The following PPP1R12B variants were observed in gnomAD, a reference collection of about 807,000 sequenced individuals.
The protein encoded by PPP1R12B is protein phosphatase 1 regulatory subunit 12B.
PPP1R12B carries 76 observed loss-of-function variants against 126.1 expected under a neutral mutation model. The observed-to-expected ratio is 0.60, with a 90% confidence interval of 0.50 to 0.73. PPP1R12B has a LOEUF of 0.73. Among genes scored for constraint, PPP1R12B ranks in the 30% least tolerant of loss-of-function variants. The probability of loss-of-function intolerance (pLI) is 0.00; values close to 1 mark genes in which losing one functional copy is unlikely to be tolerated. For missense variants in PPP1R12B, 1,052 were observed against 1,205.1 expected, an observed-to-expected ratio of 0.87 and a Z score of 1.88; for synonymous variants, 356 against 434.7, an observed-to-expected ratio of 0.82 and a Z score of 2.25.
Position 202,381,560 on chromosome 1 carries a change from TC to T in PPP1R12B, c.291+32420del. On this transcript the variant is annotated intron_variant, in intron 1 of 23. Transcript: ENST00000608999. ...ATAGGAAAATTTCCATCAGTGTTTT[TC>T]CTAAGCTAATAGGGACCCACATCTA... 1.3e-5 allele frequency among the ~76,000 whole-genome samples: 2 copies of T among 152,094 alleles called. 1 individual carries two copies. Among genetic ancestry groups the T allele is most frequent in the East Asian group, 3.9e-4 (2 of 5,190 alleles).
At chr1:202,438,373 C>T in intron 10 of PPP1R12B, 3 of 771,512 alleles carry the variant, frequency 3.9e-6, no homozygotes, top group Admixed American at 2.6e-5. Context: ...ATCCAGAGGG[C>T]CAATTCCCGT....
At chr1:202,493,069 C>A in intron 14 of PPP1R12B, 45 bp from the exon 15 acceptor site, 1 of 1,565,758 alleles carries the variant, frequency 6.4e-7, no homozygotes, top group Non-Finnish European at 8.8e-7. Context: ...AAGAGTTATT[C>A]CATGGTTAGT....
At chr1:202,476,386 T>C (rs1265261271) in intron 13 of PPP1R12B, among the ~76,000 whole-genome samples, 3 of 151,226 alleles carry the variant, frequency 2.0e-5, no homozygotes, top group African/African-American at 7.3e-5. Flanking sequence ...AATATATAAA[T>C]ATAGTAAATT....
At chr1:202,580,232 A>G (rs1689466499) in intron 23 of PPP1R12B, among the ~76,000 whole-genome samples, 1 of 152,240 alleles carries the variant, frequency 6.6e-6, no homozygotes, top group Admixed American at 6.5e-5. Flanking sequence ...GAAATAAGAT[A>G]TTACTGCTAA....
intron 13 of PPP1R12B, among the ~76,000 whole-genome samples, chr1:202,472,823 A>G (rs1361424749): frequency 1.3e-5 from 2 of 152,176 alleles, no homozygotes; most frequent in African/African-American, 2.4e-5. Flanking sequence ...TTCAAGCCAC[A>G]TGGTTTCTGT....
intron 1 of PPP1R12B, among the ~76,000 whole-genome samples, chr1:202,358,046 T>C (rs1483377357): frequency 6.6e-6 from 1 of 152,236 alleles, no homozygotes; most frequent in African/African-American, 2.4e-5. Context: ...GAATTACATA[T>C]ATATCTTCTC....
intron 6 of PPP1R12B, 68 bp downstream of exon 6, chr1:202,428,997 A>C: frequency 7.4e-7 from 1 of 1,356,022 alleles, no homozygotes; most frequent in Non-Finnish European, 1.0e-6. Context: ...TATCTCAATC[A>C]CTTGTTTCAG....
chr1:202,580,801 T>C lies in PPP1R12B; in HGVS notation c.*241T>C, dbSNP rs1426000363. ...TTAATTGAAGCATGATTGTGGTAATTCGAGCCATCTGGAGAATGCTCTGGG... is the reference window on the plus strand; with the variant it reads ...TTAATTGAAGCATGATTGTGGTAATCCGAGCCATCTGGAGAATGCTCTGGG... On this transcript the variant is annotated 3_prime_UTR_variant, in exon 24 of 24. Coordinates refer to ENST00000608999, the MANE Select transcript of PPP1R12B (RefSeq NM_002481.4). 2.2e-6 allele frequency: 1 copy of C among 456,364 alleles called. No homozygotes were observed. The highest frequency in any genetic ancestry group is 4.1e-6 in the Non-Finnish European group (1 of 245,608). 28.3% of individuals were successfully genotyped at this position (456,364 alleles called of 1,614,324 possible). A position where few individuals can be genotyped will look rare whatever the true frequency, so the allele number is the denominator to read the frequency against.
At chr1:202,421,348 T>C (rs530798089) in intron 2 of PPP1R12B, among the ~76,000 whole-genome samples, 64 of 150,690 alleles carry the variant, frequency 4.2e-4, no homozygotes, top group African/African-American at 1.5e-3. Flanking sequence ...TAAAATGTGG[T>C]TCCCATGGCC....
At position 202,585,786 on chromosome 1, in the gene PPP1R12B, C is replaced by T. The variant is rs1030994096; in HGVS notation, c.*5226C>T. 2.6e-5 allele frequency: 4 copies of T among 152,134 alleles called. No homozygotes were observed. The highest frequency in any genetic ancestry group is 9.7e-5 in the African/African-American group (4 of 41,406). The allele number at this position is 152,134 out of a possible 1,614,324, so 9.4% of individuals were successfully genotyped here. On this transcript the variant is annotated 3_prime_UTR_variant, in exon 24 of 24. Coordinates refer to ENST00000608999, the MANE Select transcript of PPP1R12B (RefSeq NM_002481.4). ...TGCTGGCTTGGTAAGAATATTAAAG[C>T]CTGCAGAGGTGGAAATTGGAGCTCA...
At chr1:202,549,420 CTTT>C (rs1405753070) in intron 18 of PPP1R12B, among the ~76,000 whole-genome samples, 2 of 140,026 alleles carry the variant, frequency 1.4e-5, no homozygotes, top group Non-Finnish European at 1.6e-5. Flanking sequence ...AATCAATTAC[CTTT>C]TTTTTTTTTT....
rs1475295841 is a variant in PPP1R12B at position 202,590,648 on chromosome 1, A to G, written c.*10088A>G. 6.6e-6 allele frequency: 1 copy of G among 151,458 alleles called. No individual in the cohort carries two copies. The highest frequency in any genetic ancestry group is 1.5e-5 in the Non-Finnish European group (1 of 67,934). The allele number at this position is 151,458 out of a possible 1,614,324, so 9.4% of individuals were successfully genotyped here. On this transcript the variant is annotated 3_prime_UTR_variant, in exon 24 of 24. Transcript: ENST00000608999. ...GAGACGCAGTTCATTACAAAATAAC[A>G]ATTTGACAAGAGATCAGACAAGAAC...
intron 18 of PPP1R12B, among the ~76,000 whole-genome samples, chr1:202,506,333 C>T (rs1168771736): frequency 6.6e-6 from 1 of 152,198 alleles, no homozygotes; most frequent in Non-Finnish European, 1.5e-5. Flanking sequence ...TATAAACCAT[C>T]TTAAGAACAA....
intron 13 of PPP1R12B, among the ~76,000 whole-genome samples, chr1:202,478,264 T>G (rs1232011968): frequency 6.6e-6 from 1 of 152,228 alleles, no homozygotes; most frequent in African/African-American, 2.4e-5. Context: ...AAAACTTTAT[T>G]TACAAAAATG....
intron 13 of PPP1R12B, among the ~76,000 whole-genome samples, chr1:202,455,547 T>C (rs1572108258): frequency 6.6e-6 from 1 of 152,266 alleles, no homozygotes; most frequent in Non-Finnish European, 1.5e-5. Flanking sequence ...ATCAGTACTT[T>C]ATTCCTTTAC....
At chr1:202,568,169 TAC>T (rs112151278) in intron 22 of PPP1R12B, among the ~76,000 whole-genome samples, 242 of 146,716 alleles carry the variant, frequency 1.6e-3, no homozygotes, top group African/African-American at 2.3e-3. Context: ...AATCATTGCA[TAC>T]ACACACACAC....
chr1:202,436,193 G>A (rs868858347), intron 9 of PPP1R12B, among the ~76,000 whole-genome samples: 77 of 152,264 alleles, frequency 5.1e-4, no homozygotes, highest in African/African-American at 1.8e-3. Flanking sequence ...TTGAGCCCAG[G>A]AGGTCAAGGC....
chr1:202,372,378 C>A (rs1052856872), intron 1 of PPP1R12B, among the ~76,000 whole-genome samples: 1 of 151,708 alleles, frequency 6.6e-6, no homozygotes, highest in East Asian at 1.9e-4. Flanking sequence ...GTGGTGCGTG[C>A]GGATAGTTCC....
Position 202,585,295 on chromosome 1 carries a change from C to G in PPP1R12B, c.*4735C>G, listed in dbSNP as rs1352717552. The stretch of plus-strand genomic sequence containing the variant: ...TACAGGCGTAAGGGCCCACGCCCAG[C>G]CTACCATACTGATTTTCAAGGCAGG... On this transcript the variant is annotated 3_prime_UTR_variant, in exon 24 of 24. Coordinates refer to ENST00000608999, the MANE Select transcript of PPP1R12B (RefSeq NM_002481.4). 6.6e-6 allele frequency: 1 copy of G among 152,266 alleles called. No homozygotes were observed. The highest frequency in any genetic ancestry group is 1.5e-5 in the Non-Finnish European group (1 of 68,056). The allele number at this position is 152,266 out of a possible 1,614,324, so 9.4% of individuals were successfully genotyped here.
Sources: gnomAD v4.1 joint callset for allele counts (sites outside exome capture counted in the v4.1 genomes callset) on GRCh38, gnomAD v4.1.1 for gene constraint, MANE v1.5 for transcripts, NCBI Gene and HGNC (gene_info 2026-07-23, HGNC 2026-07-21) for gene names.